AIM2: variants seen among roughly 807,000 people sequenced by gnomAD.
The protein encoded by AIM2 is interferon-inducible protein AIM2.
A neutral mutation model predicts 27.7 loss-of-function variants in AIM2; 30 were observed. The observed-to-expected ratio is 1.08, with a 90% confidence interval of 0.81 to 1.47. AIM2 has a LOEUF of 1.47. Among genes scored for constraint, AIM2 ranks in the 40% most tolerant of loss-of-function variants. The pLI, the probability that AIM2 is intolerant of heterozygous loss-of-function variation, is 0.00. For missense variants in AIM2, 358 were observed against 411.3 expected (o/e 0.87, Z 1.12); for synonymous variants, 141 against 145.3 (o/e 0.97, Z 0.21).
intron 1 of AIM2, among the ~76,000 whole-genome samples, chr1:159,107,142 A>G (rs1657467063): frequency 6.6e-6 from 1 of 152,208 alleles, no homozygotes; most frequent in African/African-American, 2.4e-5. Flanking sequence ...AAAATGCAAA[A>G]GACATCCAAT....
chr1:159,077,891 T>G (rs1032814358), upstream of AIM2, among the ~76,000 whole-genome samples: 2 of 152,178 alleles, frequency 1.3e-5, no homozygotes, highest in African/African-American at 4.8e-5. Flanking sequence ...AAGACAAAGT[T>G]CCAGATGTTG....
chr1:159,112,934 C>T (rs4442362), intron 1 of AIM2, among the ~76,000 whole-genome samples: 1 of 146,504 alleles, frequency 6.8e-6, no homozygotes, highest in African/African-American at 2.6e-5. Context: ...TATATACATA[C>T]ATATATATAT....
intron 1 of AIM2, among the ~76,000 whole-genome samples, chr1:159,095,096 A>G (rs1221093545): frequency 3.9e-5 from 6 of 152,246 alleles, no homozygotes; most frequent in Admixed American, 2.0e-4. Context: ...AGAGAGAAGC[A>G]CTACAGGTAT....
At chr1:159,058,348 CAAAA>C (rs34913942), downstream of AIM2, among the ~76,000 whole-genome samples, 8 of 117,834 alleles carry the variant, frequency 6.8e-5, no homozygotes, top group Non-Finnish European at 5.4e-5. Flanking sequence ...GATTCTGTCT[CAAAA>C]AAAAAAAAAA....
At chr1:159,056,650 A>G in the AIM2 span, among the ~76,000 whole-genome samples, 1 of 146,850 alleles carries the variant, frequency 6.8e-6, no homozygotes, top group Non-Finnish European at 1.5e-5. Context: ...AGGGGTAAGG[A>G]CAGCTCAAAA....
chr1:159,108,891 A>G (rs554366266), intron 1 of AIM2, among the ~76,000 whole-genome samples: 1 of 152,324 alleles, frequency 6.6e-6, no homozygotes, highest in East Asian at 1.9e-4. Context: ...AAGAAATCAT[A>G]GACGACACAC....
the AIM2 span, among the ~76,000 whole-genome samples, chr1:159,056,739 A>AAC: frequency 1.5e-4 from 22 of 148,066 alleles, no homozygotes; most frequent in South Asian, 2.1e-4. Context: ...AAAAAAAAAA[A>AAC]AAAAAAAAAC....
chr1:159,079,175 TAAG>T (rs1656714722), upstream of AIM2, among the ~76,000 whole-genome samples: 1 of 151,690 alleles, frequency 6.6e-6, no homozygotes, highest in African/African-American at 2.4e-5. Flanking sequence ...ATCAGAGAGA[TAAG>T]AAAAGACATT....
At chr1:159,093,252 A>G (rs1294417037) in intron 1 of AIM2, among the ~76,000 whole-genome samples, 1 of 152,184 alleles carries the variant, frequency 6.6e-6, no homozygotes, top group Non-Finnish European at 1.5e-5. Flanking sequence ...AAGATCTAGC[A>G]TGATACTTCA....
At chr1:159,138,528 T>C (rs1338273860) in intron 1 of AIM2, among the ~76,000 whole-genome samples, 1 of 152,220 alleles carries the variant, frequency 6.6e-6, no homozygotes, top group Non-Finnish European at 1.5e-5. Flanking sequence ...TATTTACCTG[T>C]CTGTCATTTG....
intron 1 of AIM2, among the ~76,000 whole-genome samples, chr1:159,146,835 CCCTTCATCCTCAGG>C (rs1175147831): frequency 6.6e-6 from 1 of 151,126 alleles, no homozygotes; most frequent in Admixed American, 6.6e-5. Context: ...TTATTGTCAG[CCCTTCATCCTCAGG>C]CCTTCTTTTT....
intron 4 of AIM2, among the ~76,000 whole-genome samples, chr1:159,064,757 G>A (rs755957578): frequency 1.2e-4 from 19 of 152,252 alleles, no homozygotes; most frequent in Non-Finnish European, 2.2e-4. Context: ...GAGCTGCCGC[G>A]CCCAGCCTGA....
intron 2 of AIM2, among the ~76,000 whole-genome samples, chr1:159,072,727 T>C (rs972466850): frequency 2.0e-5 from 3 of 152,072 alleles, no homozygotes; most frequent in African/African-American, 7.2e-5. Flanking sequence ...AAGGAGGAGA[T>C]CATCGCCTAA....
intron 1 of AIM2, among the ~76,000 whole-genome samples, chr1:159,146,225 T>C (rs137870831): frequency 1.3e-5 from 2 of 152,270 alleles, no homozygotes; most frequent in Admixed American, 1.3e-4. Flanking sequence ...TAGGTTGTCA[T>C]GTCCCATCAG....
chr1:159,064,536 C>T (rs916076036), intron 4 of AIM2, among the ~76,000 whole-genome samples: 3 of 152,158 alleles, frequency 2.0e-5, no homozygotes, highest in African/African-American at 7.2e-5. Flanking sequence ...GCAATCTTGG[C>T]TCACTGCAAC....
intron 1 of AIM2, among the ~76,000 whole-genome samples, chr1:159,125,814 G>T (rs916086705): frequency 3.9e-5 from 6 of 152,192 alleles, no homozygotes; most frequent in South Asian, 2.1e-4. Context: ...TCCAGGAAAT[G>T]CAGGGGTAAG....
chr1:159,106,906 G>A (rs568273236), intron 1 of AIM2, among the ~76,000 whole-genome samples: 2 of 152,346 alleles, frequency 1.3e-5, no homozygotes, highest in Non-Finnish European at 2.9e-5. Context: ...AGGGTAGAGA[G>A]AGGTCTGTAA....
chr1:159,094,833 A>C (rs1657135121), intron 1 of AIM2, among the ~76,000 whole-genome samples: 2 of 152,232 alleles, frequency 1.3e-5, no homozygotes, highest in Admixed American at 1.3e-4. Flanking sequence ...TCCAAAATTG[A>C]GAATGTCATT....
At chr1:159,141,809 T>C (rs571196807), upstream of AIM2, among the ~76,000 whole-genome samples, 5 of 151,636 alleles carry the variant, frequency 3.3e-5, no homozygotes, top group East Asian at 9.7e-4. Flanking sequence ...AAATCTGGAG[T>C]GGAGATCCAC....
Sources: gnomAD v4.1 joint callset for allele counts (sites outside exome capture counted in the v4.1 genomes callset) on GRCh38, gnomAD v4.1.1 for gene constraint, MANE v1.5 for transcripts, NCBI Gene and HGNC (gene_info 2026-07-23, HGNC 2026-07-21) for gene names.